HOOK3: variants seen among roughly 807,000 people sequenced by gnomAD.
HOOK3 encodes hook microtubule tethering protein 3, also known as protein Hook homolog 3.
A neutral mutation model predicts 116.3 loss-of-function variants in HOOK3; 24 were observed. That is an observed-to-expected ratio of 0.21 (90% CI 0.15 to 0.29). The LOEUF (loss-of-function observed/expected upper bound fraction) is 0.29, where lower values mean the gene tolerates loss of function less well. Among genes scored for constraint, HOOK3 ranks in the 10% least tolerant of loss-of-function variants. HOOK3 has a pLI of 1.00. For synonymous variants in HOOK3, 275 were observed against 283.0 expected (o/e 0.97, Z 0.28); for missense variants, 632 against 830.2 (o/e 0.76, Z 2.93).
At chr8:42,979,858 CA>C (rs1808902293) in intron 13 of HOOK3, among the ~76,000 whole-genome samples, 1 of 151,954 alleles carries the variant, frequency 6.6e-6, no homozygotes, top group South Asian at 2.1e-4. Context: ...TTGTTTTCAC[CA>C]AAAATATATC....
At chr8:43,008,665 T>A (rs1192826026) in intron 18 of HOOK3, among the ~76,000 whole-genome samples, 1 of 140,514 alleles carries the variant, frequency 7.1e-6, no homozygotes, top group Non-Finnish European at 1.6e-5. Context: ...TTATTTTTAT[T>A]TTTTTTTTTT....
chr8:42,925,679 A>T (rs751847581), intron 3 of HOOK3, 50 bp downstream of exon 3: 1 of 1,246,424 alleles, frequency 8.0e-7, no homozygotes, highest in South Asian at 1.3e-5. Context: ...TATGTGTATA[A>T]TATCTGTTGA....
intron 4 of HOOK3, among the ~76,000 whole-genome samples, chr8:42,930,601 A>C (rs1399125730): frequency 6.6e-6 from 1 of 152,200 alleles, no homozygotes; most frequent in Admixed American, 6.5e-5. Context: ...CAGTGGAAAT[A>C]ACTAGTTTTA....
Position 42,979,510 on chromosome 8 carries a change from C to G in HOOK3, c.1322-3117C>G, listed in dbSNP as rs559728660. ...ATTGCTTGTTTGGCTTCACAGTTCA[C>G]TCCCAGACTAGTAACCAGCTTGTGG... On this transcript the variant is annotated intron_variant, in intron 13 of 21. Transcript: ENST00000307602. 3.9e-5 allele frequency among the ~76,000 whole-genome samples: 6 copies of G among 152,296 alleles called. No individual in the cohort carries two copies. The East Asian group carries it at 1.2e-3, about 29-fold the overall frequency.
At chr8:43,007,805 T>C (rs1809521805) in intron 17 of HOOK3, 42 bp from the exon 18 acceptor site, 1 of 1,263,680 alleles carries the variant, frequency 7.9e-7, no homozygotes, top group Non-Finnish European at 1.1e-6. Flanking sequence ...CTGGAAAAAA[T>C]TACAGAAGCA....
chr8:42,982,289 A>G (rs1321243163), intron 13 of HOOK3, among the ~76,000 whole-genome samples: 2 of 150,904 alleles, frequency 1.3e-5, no homozygotes, highest in African/African-American at 2.4e-5. Context: ...AAAAGAAAAA[A>G]GGTAGAATAG....
chr8:42,940,992 A>T (rs950445622), intron 4 of HOOK3, among the ~76,000 whole-genome samples: 1 of 151,774 alleles, frequency 6.6e-6, no homozygotes, highest in African/African-American at 2.4e-5. Context: ...TCCAGGCCGG[A>T]GTGAGTGCAG....
chr8:42,909,502 C>T (rs1006361900), intron 2 of HOOK3, among the ~76,000 whole-genome samples: 16 of 152,230 alleles, frequency 1.1e-4, no homozygotes, highest in Non-Finnish European at 2.2e-4. Context: ...CTCACTCTGT[C>T]ACTCAGGCTG....
chr8:42,981,304 C>T (rs1309042280), intron 13 of HOOK3, among the ~76,000 whole-genome samples: 6 of 151,872 alleles, frequency 4.0e-5, no homozygotes, highest in Non-Finnish European at 5.9e-5. Flanking sequence ...CCGCCCACCT[C>T]GGCCTCCCAA....
chr8:42,943,380 C>A lies in HOOK3; in HGVS notation c.335C>A (p.Ala112Glu). ...AACCTTATTGGGGAGCATTCTGATG[C>A]AGCAGAGCTTGGAAGGATGCTTCAG... ...DVNLIGEHSD[A>E]AELGRMLQLI... Residue 112 changes from alanine to glutamate, a missense_variant, in exon 5 of 22, where the codon GCA becomes GAA. Physicochemically the swap from Ala to Glu is moderately radical, Grantham distance 107 (BLOSUM62 -1). Coordinates refer to ENST00000307602, the MANE Select transcript of HOOK3 (RefSeq NM_032410.4). 1 of 1,567,802 alleles carries A rather than the reference C, an allele frequency of 6.4e-7. No homozygotes were observed. Among genetic ancestry groups the A allele is most frequent in the African/African-American group, 1.4e-5 (1 of 73,950 alleles).
chr8:42,913,201 T>C (rs1807467410), intron 2 of HOOK3, among the ~76,000 whole-genome samples: 1 of 152,194 alleles, frequency 6.6e-6, no homozygotes, highest in African/African-American at 2.4e-5. Context: ...TGTATATGCC[T>C]GTGAAGCTAT....
At chr8:42,897,315 C>G in intron 1 of HOOK3, 127 bp downstream of exon 1, 48 of 418,518 alleles carry the variant, frequency 1.1e-4, no homozygotes, top group Middle Eastern at 7.1e-4. Flanking sequence ...CTGGGGCGGG[C>G]GGGGCGAGGA....
intron 4 of HOOK3, among the ~76,000 whole-genome samples, chr8:42,937,352 ATTTTTTTTT>A (rs35303192): frequency 8.8e-6 from 1 of 113,926 alleles, no homozygotes. Flanking sequence ...GGATTCATTG[ATTTTTTTTT>A]TTTTTTTTGG....
intron 2 of HOOK3, among the ~76,000 whole-genome samples, chr8:42,914,056 C>T (rs1334499360): frequency 6.6e-6 from 1 of 152,160 alleles, no homozygotes; most frequent in East Asian, 1.9e-4. Flanking sequence ...ACTGCTTTGT[C>T]AGGCTTCTCA....
At chr8:42,962,604 C>T (rs1223352297) in intron 8 of HOOK3, among the ~76,000 whole-genome samples, 1 of 151,310 alleles carries the variant, frequency 6.6e-6, no homozygotes, top group African/African-American at 2.4e-5. Context: ...CAGGGTCTCA[C>T]TGTGTTGCCC....
intron 2 of HOOK3, among the ~76,000 whole-genome samples, chr8:42,922,409 C>G (rs1419045961): frequency 6.6e-6 from 1 of 151,820 alleles, no homozygotes; most frequent in Non-Finnish European, 1.5e-5. Context: ...AAAATTTTAT[C>G]CAGGCACTGT....
At chr8:42,975,594 T>C (rs890534307) in intron 13 of HOOK3, among the ~76,000 whole-genome samples, 13 of 152,194 alleles carry the variant, frequency 8.5e-5, no homozygotes, top group African/African-American at 3.1e-4. Context: ...ATCAAGCCCA[T>C]GAAAAAAGTG....
intron 1 of HOOK3, among the ~76,000 whole-genome samples, chr8:42,899,868 C>A (rs1321028471): frequency 6.6e-6 from 1 of 152,180 alleles, no homozygotes; most frequent in African/African-American, 2.4e-5. Flanking sequence ...TTTTGAAGAT[C>A]ATAATTATAT....
chr8:42,973,359 G>A lies in HOOK3; in HGVS notation c.1193G>A (p.Arg398Gln), dbSNP rs184252076. 3.7e-6 allele frequency: 6 copies of A among 1,612,568 alleles called. No individual in the cohort carries two copies. Among genetic ancestry groups the A allele is most frequent in the East Asian group, 4.5e-5 (2 of 44,780 alleles). ...GATAAACTAGATTTTGAATATAAGC[G>A]GCTAAAAGAAAAAGTTGACAGTCTT... The part of the protein sequence containing the change: ...KADKLDFEYK[R>Q]LKEKVDSLQK... The change falls in exon 12 of 22, where the codon CGG becomes CAG. Residue 398 changes from arginine to glutamine, a missense_variant. By Grantham distance (43) the Arg-to-Gln change is conservative. Transcript: ENST00000307602.
Sources: gnomAD v4.1 joint callset for allele counts (sites outside exome capture counted in the v4.1 genomes callset) on GRCh38, gnomAD v4.1.1 for gene constraint, MANE v1.5 for transcripts, NCBI Gene and HGNC (gene_info 2026-07-23, HGNC 2026-07-21) for gene names.